PIK3CB: variants seen among roughly 807,000 people sequenced by gnomAD.
PIK3CB encodes the protein phosphatidylinositol-4,5-bisphosphate 3-kinase catalytic subunit beta.
A neutral mutation model predicts 136.8 loss-of-function variants in PIK3CB; 39 were observed. The observed-to-expected ratio is 0.29, with a 90% CI of 0.22 to 0.37. PIK3CB has a LOEUF of 0.37. Among genes scored for constraint, PIK3CB ranks in the 10% least tolerant of loss-of-function variants. PIK3CB has a pLI of 1.00. For synonymous variants in PIK3CB, 428 were observed against 436.6 expected (o/e 0.98, Z 0.25); for missense variants, 868 against 1,275.4 (o/e 0.68, Z 4.87).
chr3:138,658,641 A>G (rs2043232822), intron 21 of PIK3CB, among the ~76,000 whole-genome samples: 1 of 152,186 alleles, frequency 6.6e-6, no homozygotes, highest in Admixed American at 6.5e-5. Flanking sequence ...ATTATGGAAG[A>G]TAAAGATTTA....
At chr3:138,828,184 C>CTTT (rs1176715980) in intron 1 of PIK3CB, among the ~76,000 whole-genome samples, 15 of 131,086 alleles carry the variant, frequency 1.1e-4, no homozygotes, top group Admixed American at 1.6e-4. Flanking sequence ...ATTAAATTTC[C>CTTT]TTTTTTTTTT....
intron 4 of PIK3CB, among the ~76,000 whole-genome samples, chr3:138,753,093 C>T (rs925913964): frequency 2.9e-4 from 44 of 152,260 alleles, no homozygotes; most frequent in African/African-American, 9.6e-4. Context: ...GACTTGGTGG[C>T]TTGCACTCAG....
intron 2 of PIK3CB, among the ~76,000 whole-genome samples, chr3:138,775,925 C>T (rs1402028105): frequency 6.6e-6 from 1 of 152,144 alleles, no homozygotes; most frequent in Non-Finnish European, 1.5e-5. Context: ...TGGCCAGCCG[C>T]GGTGGCTCAC....
intron 14 of PIK3CB, among the ~76,000 whole-genome samples, chr3:138,691,469 G>A (rs769322124): frequency 1.3e-5 from 2 of 152,108 alleles, no homozygotes; most frequent in Non-Finnish European, 1.5e-5. Context: ...CATGTCAAAG[G>A]AGCATCCTGG....
At chr3:138,818,214 T>C (rs948528404) in intron 1 of PIK3CB, among the ~76,000 whole-genome samples, 5 of 152,106 alleles carry the variant, frequency 3.3e-5, no homozygotes, top group African/African-American at 1.2e-4. Flanking sequence ...ACTTCATGAC[T>C]CCCTATTATT....
chr3:138,682,146 A>C, intron 18 of PIK3CB, 101 bp from the exon 19 acceptor site: 2 of 663,466 alleles, frequency 3.0e-6, no homozygotes, highest in Non-Finnish European at 2.7e-6. Context: ...ACATTAACAA[A>C]CTCTGTGCTA....
intron 3 of PIK3CB, among the ~76,000 whole-genome samples, chr3:138,758,025 C>T (rs565019229): frequency 6.6e-6 from 1 of 152,188 alleles, no homozygotes; most frequent in South Asian, 2.1e-4. Context: ...TGTTCATCAA[C>T]AGATAAATAT....
At chr3:138,727,499 C>T (rs1161828925) in intron 8 of PIK3CB, among the ~76,000 whole-genome samples, 1 of 152,158 alleles carries the variant, frequency 6.6e-6, no homozygotes, top group East Asian at 1.9e-4. Context: ...GAGAGAAGAC[C>T]CCAGCCAACA....
intron 2 of PIK3CB, among the ~76,000 whole-genome samples, chr3:138,790,115 G>C (rs2046031492): frequency 6.6e-6 from 1 of 152,108 alleles, no homozygotes; most frequent in South Asian, 2.1e-4. Context: ...AATTATACAA[G>C]GCATCTGAAG....
intron 16 of PIK3CB, among the ~76,000 whole-genome samples, chr3:138,686,656 T>C (rs1260074928): frequency 1.3e-5 from 2 of 152,154 alleles, no homozygotes; most frequent in Admixed American, 6.5e-5. Flanking sequence ...ATATAAAATA[T>C]GTCTATCACA....
chr3:138,694,718 G>T (rs945106818), intron 14 of PIK3CB, 68 bp downstream of exon 14: 2 of 1,522,124 alleles, frequency 1.3e-6, no homozygotes, highest in Non-Finnish European at 1.8e-6. Flanking sequence ...AGACATCAAG[G>T]AGACACCCTC....
At chr3:138,666,529 T>C (rs2043413773) in intron 19 of PIK3CB, among the ~76,000 whole-genome samples, 1 of 152,182 alleles carries the variant, frequency 6.6e-6, no homozygotes, top group African/African-American at 2.4e-5. Flanking sequence ...TCTTTGCCTA[T>C]TTATTAGGGC....
rs1326000753 is a variant in PIK3CB at position 138,656,133 on chromosome 3, G to C, written c.3075+9C>G. 6.2e-7 allele frequency: 1 copy of C among 1,613,838 alleles called. No individual in the cohort carries two copies. Among genetic ancestry groups the C allele is most frequent in the Admixed American group, 1.7e-5 (1 of 59,982 alleles). ...AAAGTCCAAGAGAGAAGGAAAAGTG[G>C]TTTTATACCTTAAGATACTGTATAT... On this transcript the variant is annotated intron_variant, in intron 23 of 23. Transcript: ENST00000674063.
At position 138,742,799 on chromosome 3, in the gene PIK3CB, A is replaced by G. The variant is rs951212532; in HGVS notation, c.398-18T>C. On this transcript the variant is annotated intron_variant, in intron 4 of 23. Coordinates refer to ENST00000674063, the MANE Select transcript of PIK3CB (RefSeq NM_006219.3). The stretch of plus-strand genomic sequence containing the variant: ...ATGCAGACCTAAACACATTTTTTAA[A>G]GGTGTCATTTTCAGTAACTAACAAT... 15 of 1,398,048 alleles carry G rather than the reference A, an allele frequency of 1.1e-5. No homozygotes were observed. The highest frequency in any genetic ancestry group is 1.4e-5 in the Non-Finnish European group (14 of 1,002,310). The allele number at this position is 1,398,048 out of a possible 1,614,324, so 86.6% of individuals were successfully genotyped here. A position where few individuals can be genotyped will look rare whatever the true frequency, so the allele number is the denominator to read the frequency against.
intron 12 of PIK3CB, among the ~76,000 whole-genome samples, chr3:138,700,246 G>A (rs1208669269): frequency 1.3e-5 from 2 of 151,780 alleles, no homozygotes; most frequent in African/African-American, 4.8e-5. Context: ...TTGTTTATCC[G>A]TCCGTCCATC....
At chr3:138,742,443 GTTCT>G (rs2045264638) in intron 5 of PIK3CB, 111 bp downstream of exon 5, 6 of 591,462 alleles carry the variant, frequency 1.0e-5, no homozygotes, top group East Asian at 5.6e-5. Context: ...ATATAAAATT[GTTCT>G]TTCTAATAGT....
chr3:138,665,290 A>G, intron 19 of PIK3CB, 87 bp from the exon 20 acceptor site: 1 of 1,022,646 alleles, frequency 9.8e-7, no homozygotes, highest in African/African-American at 1.6e-5. Flanking sequence ...TTTTTAAAAA[A>G]AGTTTTATTA....
chr3:138,803,251 G>T (rs951033475), intron 1 of PIK3CB, among the ~76,000 whole-genome samples: 5 of 152,148 alleles, frequency 3.3e-5, no homozygotes, highest in African/African-American at 1.2e-4. Flanking sequence ...TGTCAAGGCA[G>T]GGAGAGTTCC....
intron 4 of PIK3CB, among the ~76,000 whole-genome samples, chr3:138,744,419 A>AAAAAAAAAAAAAAAAAAAAAAT (rs2045309958): frequency 6.8e-6 from 1 of 146,910 alleles, no homozygotes; most frequent in Non-Finnish European, 1.5e-5. Context: ...AAAAAAAAAA[A>AAAAAAAAAAAAAAAAAAAAAAT]AAAGGAAGTG....
Sources: allele counts gnomAD v4.1 joint callset (sites outside exome capture counted in the v4.1 genomes callset), GRCh38; gene constraint gnomAD v4.1.1; transcripts MANE v1.5; gene names NCBI Gene and HGNC (gene_info 2026-07-23, HGNC 2026-07-21).